Variants in RBM6 observed in about 807,000 individuals in gnomAD.
The protein encoded by RBM6 is RNA-binding protein 6.
In RBM6, 23 loss-of-function variants were observed where a neutral mutation model predicts 140.4. The observed-to-expected ratio is 0.16, with a 90% CI of 0.12 to 0.23. RBM6 has a LOEUF of 0.23. Ranked by LOEUF, RBM6 falls within the 10% of genes least tolerant of loss-of-function variation. RBM6 has a pLI of 1.00. For missense variants in RBM6, 1,139 were observed against 1,386.7 expected (o/e 0.82, Z 2.84); for synonymous variants, 439 against 475.6 (o/e 0.92, Z 1.00).
Position 49,968,185 on chromosome 3 carries a change from C to T in RBM6, c.760C>T (p.His254Tyr), listed in dbSNP as rs1432000537. The part of the protein sequence containing the change: ...DLDFRDRDTP[H>Y]SDFRGRHRSR... ...AGACTTTAGGGACAGGGATACGCCA[C>T]ATTCAGATTTCAGAGGTAGACACCG... The change falls in exon 3 of 21, where the codon CAT (histidine) becomes TAT (tyrosine). Residue 254 changes from histidine (H) to tyrosine (Y), a missense_variant. By Grantham distance (83) the His-to-Tyr change is moderately conservative. This residue lies in a region of RBM6 where 566 missense variants were observed against 612.7 expected (regional missense o/e 0.92). Transcript: ENST00000266022. 6.2e-7 allele frequency: 1 copy of T among 1,613,966 alleles called. No homozygotes were observed. The highest frequency in any genetic ancestry group is 8.5e-7 in the Non-Finnish European group (1 of 1,180,030).
intron 5 of RBM6, among the ~76,000 whole-genome samples, chr3:49,981,027 G>A (rs576059501): frequency 2.6e-5 from 4 of 151,572 alleles, no homozygotes; most frequent in Admixed American, 6.6e-5. Flanking sequence ...CTCAGCCATC[G>A]GAGTAGCTGG....
At chr3:49,949,161 A>G (rs561445398) in intron 1 of RBM6, among the ~76,000 whole-genome samples, 121 of 151,672 alleles carry the variant, frequency 8.0e-4, no homozygotes, top group Non-Finnish European at 1.4e-3. Flanking sequence ...TTATACAAGA[A>G]TTTATTATTT....
intron 13 of RBM6, 102 bp from the exon 14 acceptor site, chr3:50,061,360 C>G: frequency 6.3e-7 from 1 of 1,580,020 alleles, no homozygotes. Flanking sequence ...TGTAGATGCA[C>G]CTATTTGTGT....
chr3:50,022,379 A>G (rs961511447), intron 6 of RBM6, among the ~76,000 whole-genome samples: 2 of 150,630 alleles, frequency 1.3e-5, no homozygotes, highest in African/African-American at 4.9e-5. Flanking sequence ...TGCCCAGGCT[A>G]GAGTGCAATG....
At chr3:50,020,212 A>C (rs759058282) in intron 6 of RBM6, among the ~76,000 whole-genome samples, 7 of 152,192 alleles carry the variant, frequency 4.6e-5, no homozygotes, top group Non-Finnish European at 1.0e-4. Flanking sequence ...GGTGTGAGCC[A>C]CTATGCCCAG....
At chr3:49,999,610 G>T (rs1030460277) in intron 6 of RBM6, 97 bp downstream of exon 6, 1 of 1,056,988 alleles carries the variant, frequency 9.5e-7, no homozygotes, top group Non-Finnish European at 1.5e-6. Flanking sequence ...AAAGGTACAA[G>T]AAGTCTATCT....
chr3:50,076,973 T>C, intron 20 of RBM6, 35 bp from the exon 21 acceptor site: 1 of 1,588,780 alleles, frequency 6.3e-7, no homozygotes, highest in Non-Finnish European at 8.5e-7. Flanking sequence ...AATTAATCTA[T>C]AGGGCCCACT....
chr3:49,957,687 G>T (rs921702496), intron 1 of RBM6, among the ~76,000 whole-genome samples: 1 of 151,896 alleles, frequency 6.6e-6, no homozygotes, highest in Non-Finnish European at 1.5e-5. Flanking sequence ...TTTGTAAATC[G>T]TATCTCAGGA....
At chr3:50,016,580 T>TC (rs1189412266) in intron 6 of RBM6, among the ~76,000 whole-genome samples, 1 of 152,094 alleles carries the variant, frequency 6.6e-6, no homozygotes, top group Admixed American at 6.6e-5. Context: ...TGTAAAGGGT[T>TC]CCCTTTTCTC....
intron 6 of RBM6, among the ~76,000 whole-genome samples, chr3:50,015,856 A>G (rs975427155): frequency 6.6e-6 from 1 of 152,236 alleles, no homozygotes; most frequent in Non-Finnish European, 1.5e-5. Context: ...TACCCACGTT[A>G]TGATACATGT....
intron 6 of RBM6, among the ~76,000 whole-genome samples, chr3:50,043,746 G>C (rs1288497134): frequency 6.6e-6 from 1 of 151,652 alleles, no homozygotes; most frequent in Non-Finnish European, 1.5e-5. Context: ...ACCACACCCA[G>C]CTCACTTTTG....
intron 6 of RBM6, among the ~76,000 whole-genome samples, chr3:50,031,031 A>G (rs894284595): frequency 2.6e-5 from 4 of 152,216 alleles, no homozygotes; most frequent in South Asian, 2.1e-4. Flanking sequence ...GCTCACGCCT[A>G]TATGTATCTC....
intron 6 of RBM6, among the ~76,000 whole-genome samples, chr3:50,040,467 AAAAAATATAT>A (rs1337334019): frequency 8.9e-5 from 3 of 33,572 alleles, no homozygotes; most frequent in Non-Finnish European, 1.8e-4. Flanking sequence ...AAAAAAAAAA[AAAAAATATAT>A]ATATATATAT....
At chr3:49,945,012 G>T (rs1253190641) in intron 1 of RBM6, among the ~76,000 whole-genome samples, 1 of 151,616 alleles carries the variant, frequency 6.6e-6, no homozygotes, top group African/African-American at 2.4e-5. Flanking sequence ...GAGTAGCTGG[G>T]ACTACAGCAT....
intron 6 of RBM6, among the ~76,000 whole-genome samples, chr3:50,000,921 TAG>T (rs1387295179): frequency 2.6e-5 from 4 of 152,186 alleles, no homozygotes; most frequent in Admixed American, 2.6e-4. Flanking sequence ...AAGCACTCAT[TAG>T]AGAAGACTTT....
At chr3:50,059,848 T>A in intron 11 of RBM6, 102 bp downstream of exon 11, 1 of 839,144 alleles carries the variant, frequency 1.2e-6, no homozygotes, top group Non-Finnish European at 1.9e-6. Context: ...GATGTTTTCC[T>A]AACATGGACT....
At chr3:49,999,294 G>T in intron 5 of RBM6, 146 bp from the exon 6 acceptor site, 1 of 640,428 alleles carries the variant, frequency 1.6e-6, no homozygotes, top group South Asian at 2.1e-5. Context: ...TCTATTTGGG[G>T]TAGCAACTTT....
chr3:49,945,609 C>A (rs1248288923), intron 1 of RBM6, among the ~76,000 whole-genome samples: 2 of 151,894 alleles, frequency 1.3e-5, no homozygotes, highest in Non-Finnish European at 2.9e-5. Context: ...GGGCTGGGCG[C>A]GGGTGGCTCA....
chr3:50,019,645 A>G (rs1259544338), intron 6 of RBM6, among the ~76,000 whole-genome samples: 1 of 152,152 alleles, frequency 6.6e-6, no homozygotes, highest in African/African-American at 2.4e-5. Flanking sequence ...GTGAGCCACC[A>G]CACCTAGCTG....
Sources: allele counts gnomAD v4.1 joint callset (sites outside exome capture counted in the v4.1 genomes callset), GRCh38; gene constraint gnomAD v4.1.1; regional missense constraint gnomAD v4.1.1; transcripts MANE v1.5; gene names NCBI Gene and HGNC (gene_info 2026-07-23, HGNC 2026-07-21).